SLC2A12: variants seen among roughly 807,000 people sequenced by gnomAD.
SLC2A12 encodes the protein solute carrier family 2, facilitated glucose transporter member 12.
In SLC2A12, 23 loss-of-function variants were observed where a neutral mutation model predicts 41.8. The observed-to-expected ratio is 0.55, with a 90% confidence interval of 0.40 to 0.78. The LOEUF is 0.78. Among genes scored for constraint, SLC2A12 ranks in the 30% least tolerant of loss-of-function variants. The probability of loss-of-function intolerance (pLI) is 0.00; values close to 1 mark genes in which losing one functional copy is unlikely to be tolerated. For missense variants in SLC2A12, 654 were observed against 745.6 expected, an observed-to-expected ratio of 0.88 and a Z score of 1.43; for synonymous variants, 295 against 285.9, an observed-to-expected ratio of 1.03 and a Z score of -0.32.
intron 4 of SLC2A12, among the ~76,000 whole-genome samples, chr6:133,997,322 A>C (rs960094393): frequency 6.6e-6 from 1 of 152,170 alleles, no homozygotes; most frequent in Non-Finnish European, 1.5e-5. Flanking sequence ...CCAAAGGAAA[A>C]TGAATCATTT....
chr6:134,027,228 T>C (rs1284166652), intron 2 of SLC2A12, among the ~76,000 whole-genome samples: 1 of 152,104 alleles, frequency 6.6e-6, no homozygotes, highest in African/African-American at 2.4e-5. Context: ...CTTGAATTAA[T>C]AGTTAATGAG....
chr6:134,013,342 AT>A (rs1562194756), intron 2 of SLC2A12, among the ~76,000 whole-genome samples: 1 of 152,012 alleles, frequency 6.6e-6, no homozygotes, highest in Non-Finnish European at 1.5e-5. Flanking sequence ...TTAAATTGAA[AT>A]TTTTTTATTT....
chr6:134,011,208 C>T (rs757640478), intron 2 of SLC2A12, among the ~76,000 whole-genome samples: 3 of 152,162 alleles, frequency 2.0e-5, no homozygotes, highest in Non-Finnish European at 2.9e-5. Context: ...ACACCTACCT[C>T]TCTGACTGCA....
chr6:134,006,993 T>C, intron 2 of SLC2A12, 59 bp from the exon 3 acceptor site: 1 of 1,604,758 alleles, frequency 6.2e-7, no homozygotes, highest in African/African-American at 1.3e-5. Context: ...CCATTGAATC[T>C]GAGTGCCAGC....
In SLC2A12 at chr6:134,029,092, C is replaced by G; in HGVS notation, c.733G>C (p.Asp245His). 6.2e-7 allele frequency: 1 copy of G among 1,614,204 alleles called. No individual in the cohort carries two copies. ...KVLGRLRALS[D>H]TTEELTVIKS... Reference sequence around the variant, plus strand: ...ATCACAGTGAGTTCCTCAGTTGTATCTGAGAGTGCTCTTAACCTTCCAAGA... The same window carrying G: ...ATCACAGTGAGTTCCTCAGTTGTATGTGAGAGTGCTCTTAACCTTCCAAGA... Residue 245 changes from aspartate to histidine, a missense_variant, in exon 2 of 5, where the codon GAT (aspartate) becomes CAT (histidine). Around this residue, in one of 3 missense-constraint regions of SLC2A12, gnomAD observed 411 missense variants for 412.1 expected, o/e 1.00. Transcript: ENST00000275230.
At chr6:133,991,850 T>G (rs1303216692) in intron 4 of SLC2A12, among the ~76,000 whole-genome samples, 1 of 152,174 alleles carries the variant, frequency 6.6e-6, no homozygotes, top group Non-Finnish European at 1.5e-5. Flanking sequence ...GTAGGTAGTA[T>G]GGGTTGAGTA....
chr6:133,991,247 GT>G lies in SLC2A12; in HGVS notation c.1761del (p.Lys587AsnfsTer38). On this transcript the variant is annotated frameshift_variant, in exon 5 of 5. Transcript: ENST00000275230. LOFTEE classifies it high-confidence loss of function. ...MSHHQEELVP[K>X]QPQKRKPQEQ... is the part of the protein sequence containing the mutation. The stretch of plus-strand genomic sequence containing the variant: ...TCCTGGGGTTTTCTTTTTTGAGGCT[GT>G]TTTGGCACTAATTCTTCTTGGTGAT... 1 of 1,613,962 alleles carries G rather than the reference GT, an allele frequency of 6.2e-7. No homozygotes were observed. Among genetic ancestry groups the G allele is most frequent in the South Asian group, 1.1e-5 (1 of 91,060 alleles).
intron 1 of SLC2A12, among the ~76,000 whole-genome samples, chr6:134,033,415 A>T (rs933514693): frequency 2.6e-5 from 4 of 152,200 alleles, no homozygotes; most frequent in African/African-American, 9.7e-5. Context: ...AAGGAGAATT[A>T]GGTCAAATCT....
At chr6:134,030,865 CCACT>C (rs1177378618) in intron 1 of SLC2A12, among the ~76,000 whole-genome samples, 1 of 152,126 alleles carries the variant, frequency 6.6e-6, no homozygotes, top group Non-Finnish European at 1.5e-5. Context: ...GAGCCAACAC[CCACT>C]GAGAGGTGTA....
chr6:134,042,697 G>A (rs1267003747), intron 1 of SLC2A12, among the ~76,000 whole-genome samples: 1 of 152,114 alleles, frequency 6.6e-6, no homozygotes, highest in Non-Finnish European at 1.5e-5. Context: ...GGGTTAGGTG[G>A]CTCACACCTG....
intron 2 of SLC2A12, chr6:134,009,158 T>G (rs566204447): frequency 1.3e-4 from 20 of 152,348 alleles, no homozygotes; most frequent in African/African-American, 4.8e-4. Flanking sequence ...TTTTATGTGC[T>G]CAGTCTGAAC....
At chr6:134,052,247 GCATACACACACACACACACACA>G (rs1305449656) in intron 1 of SLC2A12, 109 bp downstream of exon 1, 1 of 270,348 alleles carries the variant, frequency 3.7e-6, no homozygotes, top group Non-Finnish European at 5.9e-6. Flanking sequence ...GCGCGCGCGC[GCATACACACACACACACACACA>G]CACACACACA....
chr6:134,035,151 CAAAAAAAAAA>C (rs71003662), intron 1 of SLC2A12, among the ~76,000 whole-genome samples: 27 of 107,890 alleles, frequency 2.5e-4, no homozygotes, highest in South Asian at 5.7e-4. Context: ...GGCTGCCTGA[CAAAAAAAAAA>C]AAAAAAAAAA....
chr6:134,042,768 C>T (rs1310919373), intron 1 of SLC2A12, among the ~76,000 whole-genome samples: 1 of 151,974 alleles, frequency 6.6e-6, no homozygotes, highest in Non-Finnish European at 1.5e-5. Flanking sequence ...AGTCTGAGAC[C>T]AGCCTGAGCA....
intron 2 of SLC2A12, among the ~76,000 whole-genome samples, chr6:134,010,648 G>A (rs918013831): frequency 6.6e-6 from 1 of 152,158 alleles, no homozygotes; most frequent in African/African-American, 2.4e-5. Flanking sequence ...ATTGTTTACA[G>A]AGATGAAACT....
chr6:134,028,245 AC>A (rs1307062974), intron 2 of SLC2A12, 135 bp downstream of exon 2: 2 of 1,176,186 alleles, frequency 1.7e-6, no homozygotes, highest in Admixed American at 4.9e-5. Flanking sequence ...AGCCAAGCAT[AC>A]TTTCTGCATT....
intron 2 of SLC2A12, among the ~76,000 whole-genome samples, chr6:134,023,174 A>C (rs1335953378): frequency 6.6e-6 from 1 of 152,106 alleles, no homozygotes; most frequent in Non-Finnish European, 1.5e-5. Context: ...TTGGTCACTC[A>C]TTTTAGGTTG....
intron 1 of SLC2A12, among the ~76,000 whole-genome samples, chr6:134,032,634 C>T (rs540985504): frequency 6.8e-6 from 1 of 147,000 alleles, no homozygotes; most frequent in Non-Finnish European, 1.5e-5. Flanking sequence ...CTAGCTTTCC[C>T]ACTTCCTTTA....
Position 133,988,539 on chromosome 6 carries a change from T to TA in SLC2A12, c.*2615dup, listed in dbSNP as rs1399300827. The stretch of plus-strand genomic sequence containing the variant: ...ATCTCCATATATAGTACATTTTCCT[T>TA]ACTGTATTATAAAATCTTGAAAACC... On this transcript the variant is annotated 3_prime_UTR_variant, in exon 5 of 5. Coordinates refer to ENST00000275230, the MANE Select transcript of SLC2A12 (RefSeq NM_145176.3). 4.6e-5 allele frequency: 7 copies of TA among 152,322 alleles called. No individual in the cohort carries two copies. Among genetic ancestry groups the TA allele is most frequent in the Non-Finnish European group, 1.0e-4 (7 of 68,012 alleles). The allele number at this position is 152,322 out of a possible 1,614,324, so 9.4% of individuals were successfully genotyped here. A position where few individuals can be genotyped will look rare whatever the true frequency, so the allele number is the denominator to read the frequency against.
Sources: allele counts gnomAD v4.1 joint callset (sites outside exome capture counted in the v4.1 genomes callset), GRCh38; gene constraint gnomAD v4.1.1; regional missense constraint gnomAD v4.1.1; transcripts MANE v1.5; gene names NCBI Gene and HGNC (gene_info 2026-07-23, HGNC 2026-07-21).